The following CSRNP3 variants were observed in gnomAD, a reference collection of about 807,000 sequenced individuals.
CSRNP3 encodes the protein cysteine and serine rich nuclear protein 3.
CSRNP3 carries 12 observed loss-of-function variants against 48.0 expected under a neutral mutation model. That is an observed-to-expected ratio of 0.25 (90% CI 0.16 to 0.41). The LOEUF is 0.41. Ranked by LOEUF, CSRNP3 falls within the 10% of genes least tolerant of loss-of-function variation. The pLI, the probability that CSRNP3 is intolerant of heterozygous loss-of-function variation, is 1.00. For synonymous variants in CSRNP3, 263 were observed against 269.7 expected, an observed-to-expected ratio of 0.98 and a Z score of 0.24; for missense variants, 580 against 724.4, an observed-to-expected ratio of 0.80 and a Z score of 2.29.
At chr2:165,565,959 C>T (rs1375109244) in intron 3 of CSRNP3, among the ~76,000 whole-genome samples, 1 of 151,898 alleles carries the variant, frequency 6.6e-6, no homozygotes, top group African/African-American at 2.4e-5. Flanking sequence ...TTAATCGGGC[C>T]ACTGAGGGAA....
chr2:165,658,887 G>A (rs889321509), intron 5 of CSRNP3, among the ~76,000 whole-genome samples: 1 of 152,160 alleles, frequency 6.6e-6, no homozygotes, highest in Non-Finnish European at 1.5e-5. Flanking sequence ...TACAATTCAA[G>A]ATGAGATTTG....
intron 3 of CSRNP3, among the ~76,000 whole-genome samples, chr2:165,524,978 A>T (rs1318074493): frequency 6.6e-6 from 1 of 152,220 alleles, no homozygotes; most frequent in African/African-American, 2.4e-5. Flanking sequence ...TGATGAGTGT[A>T]TGTTTAGCTT....
At chr2:165,588,797 AT>A (rs1485629954) in intron 3 of CSRNP3, among the ~76,000 whole-genome samples, 11 of 151,940 alleles carry the variant, frequency 7.2e-5, no homozygotes. Flanking sequence ...TCTACAAAAA[AT>A]TTTTTGAAAA....
intron 4 of CSRNP3, among the ~76,000 whole-genome samples, chr2:165,656,131 G>A (rs376543302): frequency 6.6e-6 from 1 of 152,178 alleles, no homozygotes; most frequent in Non-Finnish European, 1.5e-5. Flanking sequence ...TTCCCCAGTG[G>A]GGGTGGATCG....
At chr2:165,549,234 C>T (rs1160614561) in intron 3 of CSRNP3, among the ~76,000 whole-genome samples, 1 of 151,850 alleles carries the variant, frequency 6.6e-6, no homozygotes, top group African/African-American at 2.4e-5. Flanking sequence ...GAATCTATAC[C>T]TCAGAACCCT....
At chr2:165,558,201 A>G (rs1485043800) in intron 3 of CSRNP3, among the ~76,000 whole-genome samples, 4 of 152,224 alleles carry the variant, frequency 2.6e-5, no homozygotes, top group Admixed American at 1.3e-4. Context: ...TTATTTGGCC[A>G]GCATGGTGGA....
chr2:165,492,762 G>GCTGTC (rs2105459068), intron 1 of CSRNP3, among the ~76,000 whole-genome samples: 1 of 145,120 alleles, frequency 6.9e-6, no homozygotes, highest in South Asian at 2.2e-4. Flanking sequence ...AACAAAACTT[G>GCTGTC]CTGTCGATGT....
chr2:165,483,019 T>TA (rs1289994213), intron 1 of CSRNP3, among the ~76,000 whole-genome samples: 1 of 149,466 alleles, frequency 6.7e-6, no homozygotes, highest in Admixed American at 6.7e-5. Context: ...AGAGAGAACA[T>TA]ACGTATATGT....
rs574467207 is a variant in CSRNP3, at chr2:165,563,969, G to C, written c.-23-31074G>C. Among the ~76,000 whole-genome samples, 5 of 152,122 alleles carry C rather than the reference G, an allele frequency of 3.3e-5. No individual in the cohort carries two copies. The South Asian group carries it at 8.3e-4, about 25-fold the overall frequency. ...GTAAACTAATTTATCATCATGCAGG[G>C]TTTGGCAGCTGGCTCTGTGGTGTCA... On this transcript the variant is annotated intron_variant, in intron 3 of 6. Coordinates refer to ENST00000651982, the MANE Select transcript of CSRNP3 (RefSeq NM_001172173.2).
chr2:165,638,529 A>G (rs953927556), intron 4 of CSRNP3, among the ~76,000 whole-genome samples: 2 of 152,032 alleles, frequency 1.3e-5, no homozygotes, highest in African/African-American at 4.8e-5. Context: ...ATTTAGAACT[A>G]TTTATTTTAT....
chr2:165,506,104 A>G (rs1387611617), intron 2 of CSRNP3, among the ~76,000 whole-genome samples: 1 of 151,930 alleles, frequency 6.6e-6, no homozygotes, highest in Non-Finnish European at 1.5e-5. Flanking sequence ...GGAAGGACTT[A>G]TTTTCTCCTA....
intron 2 of CSRNP3, among the ~76,000 whole-genome samples, chr2:165,514,234 G>C (rs1684545038): frequency 6.6e-6 from 1 of 152,222 alleles, no homozygotes; most frequent in Admixed American, 6.5e-5. Context: ...ATTTGTCCCT[G>C]CTAAGCCCAA....
intron 3 of CSRNP3, among the ~76,000 whole-genome samples, chr2:165,559,666 G>A (rs1685204584): frequency 6.6e-6 from 1 of 151,748 alleles, no homozygotes. Flanking sequence ...ACATTAGAAT[G>A]TAAAATAATA....
intron 5 of CSRNP3, among the ~76,000 whole-genome samples, chr2:165,660,179 G>A (rs548031105): frequency 2.6e-5 from 4 of 152,240 alleles, no homozygotes; most frequent in Admixed American, 6.5e-5. Context: ...GAGTGAAGTC[G>A]TTCTCCAAAT....
intron 3 of CSRNP3, among the ~76,000 whole-genome samples, chr2:165,571,496 C>A (rs1197781338): frequency 6.6e-6 from 1 of 151,828 alleles, no homozygotes; most frequent in Non-Finnish European, 1.5e-5. Context: ...CACATACACA[C>A]ACATATTTGT....
At chr2:165,662,028 G>C (rs148839794) in intron 5 of CSRNP3, among the ~76,000 whole-genome samples, 2 of 151,608 alleles carry the variant, frequency 1.3e-5, no homozygotes, top group Non-Finnish European at 2.9e-5. Flanking sequence ...TTATATAATG[G>C]CACCTCTCAT....
chr2:165,670,146 A>G (rs1193543015), intron 5 of CSRNP3, among the ~76,000 whole-genome samples: 1 of 152,154 alleles, frequency 6.6e-6, no homozygotes, highest in Non-Finnish European at 1.5e-5. Context: ...CTTTGAAACT[A>G]TTGTTGCTCA....
chr2:165,565,346 T>A (rs1003074151), intron 3 of CSRNP3, among the ~76,000 whole-genome samples: 4 of 152,106 alleles, frequency 2.6e-5, no homozygotes, highest in African/African-American at 9.7e-5. Context: ...GCTAAGGGCT[T>A]TTCTTGAATG....
intron 4 of CSRNP3, among the ~76,000 whole-genome samples, chr2:165,618,950 A>G (rs954623548): frequency 2.0e-5 from 3 of 152,136 alleles, no homozygotes; most frequent in Non-Finnish European, 2.9e-5. Context: ...CTAGGAATAC[A>G]CTTCTTTTCA....
Sources: allele counts gnomAD v4.1 joint callset (sites outside exome capture counted in the v4.1 genomes callset), GRCh38; gene constraint gnomAD v4.1.1; transcripts MANE v1.5; gene names NCBI Gene and HGNC (gene_info 2026-07-23, HGNC 2026-07-21).